The following PHC2 variants were observed in gnomAD, a reference collection of about 807,000 sequenced individuals.
PHC2 encodes the protein polyhomeotic-like protein 2.
A neutral mutation model predicts 87.4 loss-of-function variants in PHC2; 29 were observed. That is an observed-to-expected ratio of 0.33 (90% CI 0.25 to 0.45). The LOEUF is 0.45. Among genes scored for constraint, PHC2 ranks in the 20% least tolerant of loss-of-function variants. The pLI is 1.00. For missense variants in PHC2, 857 were observed against 1,136.7 expected (o/e 0.75, Z 3.54); for synonymous variants, 438 against 461.7 (o/e 0.95, Z 0.66).
chr1:33,388,799 T>C (rs976127549), intron 1 of PHC2, among the ~76,000 whole-genome samples: 1 of 152,158 alleles, frequency 6.6e-6, no homozygotes, highest in African/African-American at 2.4e-5. Context: ...AGTGATTACA[T>C]GAGGCAGCAG....
intron 6 of PHC2, among the ~76,000 whole-genome samples, chr1:33,367,915 C>T (rs540058771): frequency 6.6e-6 from 1 of 152,322 alleles, no homozygotes; most frequent in Admixed American, 6.5e-5. Context: ...CCAAGACGGC[C>T]GGCATGCTTA....
At chr1:33,327,745 T>G (rs1352135686) in intron 14 of PHC2, among the ~76,000 whole-genome samples, 4 of 152,200 alleles carry the variant, frequency 2.6e-5, no homozygotes, top group Non-Finnish European at 5.9e-5. Context: ...GAGGCCCATA[T>G]AGACAAGAAC....
intron 13 of PHC2, 74 bp downstream of exon 13, chr1:33,329,997 G>A (rs764475199): frequency 1.9e-5 from 29 of 1,528,432 alleles, no homozygotes; most frequent in South Asian, 7.0e-5. Flanking sequence ...GGAGGGGACC[G>A]TGGTGTCGAG....
rs1051532652 is a variant in PHC2, at chr1:33,375,631, C to T, written c.-54-38G>A. ...AGGCAGAAGTGAATGTTTTGACAGA[C>T]GCTTACTAGAGAATGTTCACAAAGT... On this transcript the variant is annotated intron_variant, in intron 1 of 14. Coordinates refer to ENST00000683057, the MANE Select transcript of PHC2 (RefSeq NM_001385109.1). 2.9e-5 allele frequency: 37 copies of T among 1,272,978 alleles called. No individual in the cohort carries two copies. The Middle Eastern group carries it at 7.2e-4, about 25-fold the overall frequency. The allele number at this position is 1,272,978 out of a possible 1,614,324, so 78.9% of individuals were successfully genotyped here.
intron 8 of PHC2, 35 bp downstream of exon 8, chr1:33,354,803 G>T: frequency 6.3e-7 from 1 of 1,594,650 alleles, no homozygotes; most frequent in Non-Finnish European, 8.6e-7. Flanking sequence ...TGGCCACCCC[G>T]TGTGCTCCCT....
intron 1 of PHC2, chr1:33,392,884 T>G (rs1649128774): frequency 6.6e-6 from 1 of 152,242 alleles, no homozygotes; most frequent in Non-Finnish European, 1.5e-5. Context: ...GCTTTTTGCC[T>G]GCAGTATTTC....
At chr1:33,325,632 A>AG (rs752325555) in intron 14 of PHC2, 4 of 306,544 alleles carry the variant, frequency 1.3e-5, no homozygotes, top group Non-Finnish European at 2.6e-5. Context: ...TCTTAGACTA[A>AG]GAGGAACTGG....
At chr1:33,336,896 CTCACAA>C (rs1196420983) in intron 9 of PHC2, 3 of 152,230 alleles carry the variant, frequency 2.0e-5, no homozygotes, top group Non-Finnish European at 4.4e-5. Context: ...ACCCCTTTCC[CTCACAA>C]TCTATGAATA....
intron 1 of PHC2, among the ~76,000 whole-genome samples, chr1:33,408,655 C>T (rs10914698): frequency 0.012 from 1,752 of 151,968 alleles, 22 homozygotes; most frequent in Non-Finnish European, 0.016. Context: ...TTAGTAGAGA[C>T]GGGGTTTCAC....
At position 33,349,880 on chromosome 1, in the gene PHC2, A is replaced by T; in HGVS notation, c.1558+4521T>A. 1.0e-6 allele frequency: 1 copy of T among 975,386 alleles called. No individual in the cohort carries two copies. The highest frequency in any genetic ancestry group is 1.2e-6 in the Non-Finnish European group (1 of 825,314). The allele number at this position is 975,386 out of a possible 1,614,324, so 60.4% of individuals were successfully genotyped here. A position where few individuals can be genotyped will look rare whatever the true frequency, so the allele number is the denominator to read the frequency against. On this transcript the variant is annotated intron_variant, in intron 9 of 14. Transcript: ENST00000683057. The surrounding 1 kb of genome is among the most constrained non-coding windows in gnomAD (Gnocchi z 4.2). ...CGCGCGGCGGGCGCTCGAGGGCTGC[A>T]GCCGCCGCGGAGACAATGCGGCGAG...
At chr1:33,386,866 C>A (rs1648787273) in intron 1 of PHC2, among the ~76,000 whole-genome samples, 1 of 152,184 alleles carries the variant, frequency 6.6e-6, no homozygotes, top group African/African-American at 2.4e-5. Flanking sequence ...GCACACACAG[C>A]ACACATGTGC....
chr1:33,339,930 T>A (rs1467313279), intron 9 of PHC2, among the ~76,000 whole-genome samples: 1 of 152,224 alleles, frequency 6.6e-6, no homozygotes, highest in Non-Finnish European at 1.5e-5. Flanking sequence ...AAGTTTGGGA[T>A]TTTGGAGCAT....
chr1:33,349,536 C>A lies in PHC2; in HGVS notation c.1558+4865G>T. 2 of 982,144 alleles carry A rather than the reference C, an allele frequency of 2.0e-6. No individual in the cohort carries two copies. The highest frequency in any genetic ancestry group is 2.4e-6 in the Non-Finnish European group (2 of 827,178). 60.8% of individuals were successfully genotyped at this position (982,144 alleles called of 1,614,324 possible). A position where few individuals can be genotyped will look rare whatever the true frequency, so the allele number is the denominator to read the frequency against. On this transcript the variant is annotated intron_variant, in intron 9 of 14. Coordinates refer to ENST00000683057, the MANE Select transcript of PHC2 (RefSeq NM_001385109.1). The surrounding 1 kb of genome is among the most constrained non-coding windows in gnomAD (Gnocchi z 4.2). Reference sequence around the variant, plus strand: ...CGAGGGCGGTGCCCGACTTCCAGTGCGGCGAGCGCGGCCCCCGGCCTCCCT... The same window carrying A: ...CGAGGGCGGTGCCCGACTTCCAGTGAGGCGAGCGCGGCCCCCGGCCTCCCT...
In PHC2 at chr1:33,323,919, C is replaced by A. The variant is rs5861; in HGVS notation, c.*946G>T. ...AACTCCAGCTGTTCTTTCCCCTTAG[C>A]AGTTCTCTGAGCCTCACCACTGGGA... On this transcript the variant is annotated 3_prime_UTR_variant, in exon 15 of 15. Transcript: ENST00000683057. 109,201 of 152,250 alleles carry A rather than the reference C, an allele frequency of 0.72. 39,930 individuals carry two copies. Among genetic ancestry groups the A allele is most frequent in the African/African-American group, 0.86 (35,819 of 41,538 alleles). 9.4% of individuals were successfully genotyped at this position (152,250 alleles called of 1,614,324 possible). A position where few individuals can be genotyped will look rare whatever the true frequency, so the allele number is the denominator to read the frequency against.
chr1:33,365,830 TG>T (rs376369765), intron 7 of PHC2, among the ~76,000 whole-genome samples: 19 of 152,024 alleles, frequency 1.2e-4, no homozygotes, highest in African/African-American at 3.9e-4. Context: ...CTCAGTGCCA[TG>T]TGCGCTGCTT....
At chr1:33,417,347 T>A (rs1404449221) in intron 1 of PHC2, among the ~76,000 whole-genome samples, 1 of 152,086 alleles carries the variant, frequency 6.6e-6, no homozygotes. Context: ...AAGCAGAAAT[T>A]TTTATATTGG....
At chr1:33,360,190 G>A (rs375922173) in intron 7 of PHC2, among the ~76,000 whole-genome samples, 8 of 152,350 alleles carry the variant, frequency 5.3e-5, no homozygotes, top group Admixed American at 2.0e-4. Context: ...CTTGCAAAAC[G>A]GTGTTGGGTT....
Position 33,349,905 on chromosome 1 carries a change from G to C in PHC2, c.1558+4496C>G. ...AGCCGCCGCGGAGACAATGCGGCGAGTCTGGGACGGCTCCCGCGGCCGCCT... is the reference window on the plus strand; with the variant it reads ...AGCCGCCGCGGAGACAATGCGGCGACTCTGGGACGGCTCCCGCGGCCGCCT... On this transcript the variant is annotated intron_variant, in intron 9 of 14. Coordinates refer to ENST00000683057, the MANE Select transcript of PHC2 (RefSeq NM_001385109.1). This position sits in a 1 kb window ranked among gnomAD's most constrained non-coding sequence, Gnocchi z 4.2. 1.0e-6 allele frequency: 1 copy of C among 974,798 alleles called. No individual in the cohort carries two copies. Among genetic ancestry groups the C allele is most frequent in the Non-Finnish European group, 1.2e-6 (1 of 822,948 alleles). 60.4% of individuals were successfully genotyped at this position (974,798 alleles called of 1,614,324 possible).
intron 1 of PHC2, among the ~76,000 whole-genome samples, chr1:33,428,509 G>A (rs1650773794): frequency 6.6e-6 from 1 of 152,180 alleles, no homozygotes; most frequent in Admixed American, 6.5e-5. Flanking sequence ...AAAGCAAAAA[G>A]GCCTTTATCT....
Sources: allele counts gnomAD v4.1 joint callset (sites outside exome capture counted in the v4.1 genomes callset), GRCh38; gene constraint gnomAD v4.1.1; non-coding constraint Gnocchi (gnomAD v3.1); transcripts MANE v1.5; gene names NCBI Gene and HGNC (gene_info 2026-07-23, HGNC 2026-07-21).